PITPNC1: variants seen among roughly 807,000 people sequenced by gnomAD.
The protein encoded by PITPNC1 is cytoplasmic phosphatidylinositol transfer protein 1.
PITPNC1 carries 18 observed loss-of-function variants against 44.7 expected under a neutral mutation model. That is an observed-to-expected ratio of 0.40 (90% CI 0.28 to 0.60). The LOEUF (loss-of-function observed/expected upper bound fraction) is 0.60, where lower values mean the gene tolerates loss of function less well. Ranked by LOEUF, PITPNC1 falls within the 20% of genes least tolerant of loss-of-function variation. PITPNC1 has a pLI of 0.39. For synonymous variants in PITPNC1, 141 were observed against 149.6 expected, an observed-to-expected ratio of 0.94 and a Z score of 0.42; for missense variants, 290 against 418.4, an observed-to-expected ratio of 0.69 and a Z score of 2.68.
At chr17:67,381,615 A>C (rs1368368811) in intron 1 of PITPNC1, among the ~76,000 whole-genome samples, 7 of 151,744 alleles carry the variant, frequency 4.6e-5, no homozygotes, top group Admixed American at 2.0e-4. Context: ...TACAGGCGCC[A>C]GCCACCGCAC....
intron 1 of PITPNC1, among the ~76,000 whole-genome samples, chr17:67,489,824 A>C (rs1023184997): frequency 1.3e-5 from 2 of 151,556 alleles, no homozygotes; most frequent in Admixed American, 6.6e-5. Flanking sequence ...GCTCACTGAA[A>C]CCTCTTCCTG....
At chr17:67,471,882 T>G (rs930800235) in intron 1 of PITPNC1, among the ~76,000 whole-genome samples, 18 of 152,160 alleles carry the variant, frequency 1.2e-4, no homozygotes, top group Non-Finnish European at 2.4e-4. Flanking sequence ...CAGGATATAA[T>G]GTTGCACTTA....
chr17:67,451,173 ACG>A (rs1491203065), intron 1 of PITPNC1, among the ~76,000 whole-genome samples: 4 of 151,930 alleles, frequency 2.6e-5, no homozygotes, highest in Non-Finnish European at 5.9e-5. Context: ...CTGGGACTAC[ACG>A]CGCGCGCCAT....
At chr17:67,408,720 TCCTTCCTTCCTTTCTTTCTTTCTC>T (rs2038441657) in intron 1 of PITPNC1, 2 of 133,598 alleles carry the variant, frequency 1.5e-5, no homozygotes, top group South Asian at 2.3e-4. Context: ...CTTCCTTCCT[TCCTTCCTTCCTTTCTTTCTTTCTC>T]TCTTTCTTTC....
chr17:67,681,788 T>C (rs1328537090), intron 8 of PITPNC1, among the ~76,000 whole-genome samples: 1 of 151,800 alleles, frequency 6.6e-6, no homozygotes, highest in Non-Finnish European at 1.5e-5. Flanking sequence ...AATTTAAGAG[T>C]GATTATATCC....
chr17:67,424,795 A>C (rs960969720), intron 1 of PITPNC1, among the ~76,000 whole-genome samples: 3 of 150,008 alleles, frequency 2.0e-5, no homozygotes, highest in Non-Finnish European at 4.4e-5. Context: ...TCCTAGGTTC[A>C]GGCGATTCTC....
intron 1 of PITPNC1, among the ~76,000 whole-genome samples, chr17:67,469,367 T>C (rs942407711): frequency 1.3e-5 from 2 of 152,136 alleles, no homozygotes; most frequent in Non-Finnish European, 2.9e-5. Context: ...AGTGTGGGCC[T>C]CCAACCCTCA....
At chr17:67,681,484 C>T (rs1598986356) in intron 8 of PITPNC1, among the ~76,000 whole-genome samples, 1 of 151,810 alleles carries the variant, frequency 6.6e-6, no homozygotes, top group East Asian at 1.9e-4. Flanking sequence ...GATGGTGTGC[C>T]TGTAGTCCCA....
intron 1 of PITPNC1, among the ~76,000 whole-genome samples, chr17:67,489,790 C>T (rs1253468362): frequency 6.6e-6 from 1 of 152,068 alleles, no homozygotes; most frequent in Non-Finnish European, 1.5e-5. Context: ...CTGTCCCAGG[C>T]TAGAGTGCAG....
intron 6 of PITPNC1, among the ~76,000 whole-genome samples, chr17:67,651,887 A>G (rs1161731307): frequency 2.0e-5 from 3 of 152,208 alleles, no homozygotes; most frequent in Non-Finnish European, 4.4e-5. Context: ...GGAATCCTAC[A>G]TTAATTCAGG....
At chr17:67,476,018 C>T (rs1046731768) in intron 1 of PITPNC1, among the ~76,000 whole-genome samples, 8 of 152,120 alleles carry the variant, frequency 5.3e-5, no homozygotes, top group African/African-American at 1.7e-4. Context: ...TAACTCCTCA[C>T]TCTAATCAAA....
chr17:67,536,607 C>A (rs888497101), intron 2 of PITPNC1, among the ~76,000 whole-genome samples: 1 of 152,106 alleles, frequency 6.6e-6, no homozygotes, highest in Non-Finnish European at 1.5e-5. Flanking sequence ...CAATCCATAA[C>A]CTCCAAGAGA....
chr17:67,491,359 A>G (rs2069943038), intron 1 of PITPNC1, among the ~76,000 whole-genome samples: 1 of 152,226 alleles, frequency 6.6e-6, no homozygotes, highest in Admixed American at 6.5e-5. Flanking sequence ...GCCGTTCATT[A>G]AGAAATGCTT....
chr17:67,489,062 T>A (rs2039824014), intron 1 of PITPNC1, among the ~76,000 whole-genome samples: 1 of 152,250 alleles, frequency 6.6e-6, no homozygotes, highest in Admixed American at 6.5e-5. Flanking sequence ...AACACAGTTA[T>A]ACAAATACCT....
chr17:67,421,380 T>G (rs1463342795), intron 1 of PITPNC1, among the ~76,000 whole-genome samples: 2 of 152,070 alleles, frequency 1.3e-5, no homozygotes, highest in Non-Finnish European at 1.5e-5. Flanking sequence ...CCTCCTGGGT[T>G]CAAGCGATTC....
intron 1 of PITPNC1, among the ~76,000 whole-genome samples, chr17:67,485,993 G>A (rs2916148): frequency 0.45 from 68,661 of 152,056 alleles, 15,957 homozygotes; most frequent in African/African-American, 0.54. Context: ...AGAAGCAATA[G>A]TATTAAAATT....
At chr17:67,599,322 A>T (rs1331043428) in intron 5 of PITPNC1, among the ~76,000 whole-genome samples, 1 of 152,054 alleles carries the variant, frequency 6.6e-6, no homozygotes. Flanking sequence ...AATTTGGTAT[A>T]TAAATCCAAA....
At chr17:67,457,269 G>A (rs1567997117) in intron 1 of PITPNC1, 3 of 152,342 alleles carry the variant, frequency 2.0e-5, no homozygotes, top group Admixed American at 6.5e-5. Flanking sequence ...TGGGACTATA[G>A]TCTCGTGCCG....
intron 5 of PITPNC1, among the ~76,000 whole-genome samples, chr17:67,595,274 C>G (rs1374169807): frequency 2.6e-5 from 4 of 152,116 alleles, no homozygotes; most frequent in Non-Finnish European, 5.9e-5. Context: ...TTCCAGGGCA[C>G]TGGCTGGCTT....
Sources: allele counts gnomAD v4.1 joint callset (sites outside exome capture counted in the v4.1 genomes callset), GRCh38; gene constraint gnomAD v4.1.1; transcripts MANE v1.5; gene names NCBI Gene and HGNC (gene_info 2026-07-23, HGNC 2026-07-21).